QRFPR: variants seen among roughly 807,000 people sequenced by gnomAD.
The protein encoded by QRFPR is pyroglutamylated RFamide peptide receptor, also known as pyroglutamylated RF-amide peptide receptor.
In QRFPR, 37 loss-of-function variants were observed where a neutral mutation model predicts 31.3. The observed-to-expected ratio is 1.18, with a 90% confidence interval of 0.91 to 1.56. The LOEUF (loss-of-function observed/expected upper bound fraction) is 1.56. QRFPR is among the 40% of genes most tolerant of loss of function. The probability of loss-of-function intolerance (pLI) is 0.00; values close to 1 mark genes in which losing one functional copy is unlikely to be tolerated. For missense variants in QRFPR, 542 were observed against 532.5 expected (o/e 1.02, Z -0.18); for synonymous variants, 197 against 192.0 (o/e 1.03, Z -0.22).
intron 1 of QRFPR, among the ~76,000 whole-genome samples, chr4:121,361,210 C>T (rs1489018601): frequency 7.0e-6 from 1 of 143,168 alleles, no homozygotes; most frequent in Non-Finnish European, 1.5e-5. Flanking sequence ...TCACAAAGAC[C>T]ATATTTACTT....
intron 1 of QRFPR, among the ~76,000 whole-genome samples, chr4:121,357,329 A>T (rs1031280310): frequency 6.6e-5 from 10 of 152,174 alleles, no homozygotes; most frequent in African/African-American, 1.9e-4. Flanking sequence ...AAGAGAGAGC[A>T]TGAAAGCAAG....
intron 1 of QRFPR, among the ~76,000 whole-genome samples, chr4:121,355,982 T>G (rs1725861923): frequency 6.6e-6 from 1 of 152,176 alleles, no homozygotes; most frequent in African/African-American, 2.4e-5. Context: ...GCCCAACATA[T>G]GTCATAGCCT....
chr4:121,369,435 A>G, intron 1 of QRFPR: 1 of 849,498 alleles, frequency 1.2e-6, no homozygotes, highest in Non-Finnish European at 1.9e-6. Flanking sequence ...GGGCTCTAGA[A>G]GCCAGTGGGT....
At chr4:121,330,336 A>G in intron 5 of QRFPR, 90 bp downstream of exon 5, 9 of 881,580 alleles carry the variant, frequency 1.0e-5, no homozygotes, top group South Asian at 3.0e-5. Context: ...TGATTATCCA[A>G]GTGAACAGCG....
chr4:121,380,634 T>C lies in QRFPR; in HGVS notation c.14A>G (p.Asn5Ser), dbSNP rs1240511720. The C allele has an allele frequency of 8.9e-6, 14 of 1,566,252 alleles. No homozygotes were observed. The highest frequency in any genetic ancestry group is 1.1e-5 in the Non-Finnish European group (13 of 1,152,180). ...CCGAGAGAACTGCTCCGGGGTAATG[T>C]TAAGCGCCTGCATTGCTGTGCGCTC... MQAL[N>S]ITPEQFSRLL... Residue 5 changes from asparagine to serine, a missense_variant, in exon 1 of 6, where the codon AAC becomes AGC. Coordinates refer to ENST00000394427, the MANE Select transcript of QRFPR (RefSeq NM_198179.3).
At chr4:121,372,955 G>C (rs761665796) in intron 1 of QRFPR, among the ~76,000 whole-genome samples, 3 of 152,178 alleles carry the variant, frequency 2.0e-5, no homozygotes, top group Non-Finnish European at 2.9e-5. Flanking sequence ...GGGAAGTGGA[G>C]CTGGCCGCCG....
intron 1 of QRFPR, among the ~76,000 whole-genome samples, chr4:121,355,307 G>A (rs932408365): frequency 6.6e-6 from 1 of 151,858 alleles, no homozygotes; most frequent in South Asian, 2.1e-4. Flanking sequence ...ATAGGTTATA[G>A]GTGTCTAGGA....
chr4:121,329,072 A>C lies in QRFPR; in HGVS notation c.*242T>G, dbSNP rs1579565003. 5.5e-6 allele frequency: 2 copies of C among 366,018 alleles called. No homozygotes were observed. Among genetic ancestry groups the C allele is most frequent in the East Asian group, 9.3e-5 (2 of 21,532 alleles). 22.7% of individuals were successfully genotyped at this position (366,018 alleles called of 1,614,324 possible). ...CCTGGCCTTCCATGTTGCTTTTTTA[A>C]GGCTAGTCAAGTGAAGCAGTGGGAA... On this transcript the variant is annotated 3_prime_UTR_variant, in exon 6 of 6. Coordinates refer to ENST00000394427, the MANE Select transcript of QRFPR (RefSeq NM_198179.3).
intron 1 of QRFPR, chr4:121,370,413 A>T: frequency 1.5e-6 from 1 of 653,738 alleles, no homozygotes; most frequent in Non-Finnish European, 2.9e-6. Flanking sequence ...TGATGTGACG[A>T]CTAAGCTGAC....
chr4:121,346,291 T>TG (rs1296113826), intron 1 of QRFPR, among the ~76,000 whole-genome samples: 1 of 152,152 alleles, frequency 6.6e-6, no homozygotes, highest in Non-Finnish European at 1.5e-5. Context: ...GGCACAGACC[T>TG]GGGGGTGGAG....
intron 3 of QRFPR, among the ~76,000 whole-genome samples, chr4:121,335,199 A>G (rs1725408724): frequency 6.6e-6 from 1 of 151,344 alleles, no homozygotes; most frequent in Admixed American, 6.6e-5. Context: ...TTTTAAACAT[A>G]TAAAAACACT....
chr4:121,338,640 A>G (rs1041610137), intron 2 of QRFPR, among the ~76,000 whole-genome samples: 3 of 152,188 alleles, frequency 2.0e-5, no homozygotes, highest in Admixed American at 2.0e-4. Flanking sequence ...GGTCTAGGCA[A>G]TCTCAGCTGG....
At chr4:121,348,074 T>C (rs1326521015) in intron 1 of QRFPR, among the ~76,000 whole-genome samples, 1 of 152,184 alleles carries the variant, frequency 6.6e-6, no homozygotes, top group African/African-American at 2.4e-5. Context: ...ATATATCTTC[T>C]TCACCACAGT....
chr4:121,377,221 AAAG>A (rs759298937), intron 1 of QRFPR, among the ~76,000 whole-genome samples: 2 of 152,132 alleles, frequency 1.3e-5, no homozygotes, highest in Non-Finnish European at 2.9e-5. Flanking sequence ...AACAACAACA[AAAG>A]AAGATGTGAC....
At chr4:121,363,575 T>C (rs1182902647) in intron 1 of QRFPR, among the ~76,000 whole-genome samples, 1 of 149,880 alleles carries the variant, frequency 6.7e-6, no homozygotes, top group Non-Finnish European at 1.5e-5. Flanking sequence ...CTTCTTTCTC[T>C]TTGGAAAAAG....
At chr4:121,335,739 G>A (rs935186292) in intron 3 of QRFPR, among the ~76,000 whole-genome samples, 6 of 152,178 alleles carry the variant, frequency 3.9e-5, no homozygotes, top group African/African-American at 1.2e-4. Flanking sequence ...ATAAGAGTAT[G>A]ATTTATGTAA....
chr4:121,373,530 T>A (rs889142625), intron 1 of QRFPR, among the ~76,000 whole-genome samples: 7 of 152,232 alleles, frequency 4.6e-5, no homozygotes, highest in Admixed American at 2.6e-4. Flanking sequence ...ATAGCTTTTA[T>A]CATTTCTGTT....
intron 1 of QRFPR, among the ~76,000 whole-genome samples, chr4:121,343,307 C>A (rs1258045048): frequency 6.6e-6 from 1 of 152,186 alleles, no homozygotes; most frequent in Non-Finnish European, 1.5e-5. Context: ...TCCCTTATCA[C>A]CTATCCTATC....
chr4:121,370,376 T>C (rs1227646691), intron 1 of QRFPR: 2 of 726,242 alleles, frequency 2.8e-6, no homozygotes, highest in Non-Finnish European at 5.2e-6. Flanking sequence ...GTTTTTTCTA[T>C]ATAGAATCCC....
Sources: allele counts gnomAD v4.1 joint callset (sites outside exome capture counted in the v4.1 genomes callset), GRCh38; gene constraint gnomAD v4.1.1; transcripts MANE v1.5; gene names NCBI Gene and HGNC (gene_info 2026-07-23, HGNC 2026-07-21).